MAP4: variants seen among roughly 807,000 people sequenced by gnomAD.
MAP4 encodes the protein microtubule-associated protein 4.
Under a neutral mutation model 170.2 loss-of-function variants are expected in MAP4, and 76 were observed. That is an observed-to-expected ratio of 0.45 (90% CI 0.37 to 0.54). The LOEUF is 0.54. MAP4 is among the 20% of genes least tolerant of loss of function. MAP4 has a pLI of 0.00. For synonymous variants in MAP4, 909 were observed against 994.5 expected, an observed-to-expected ratio of 0.91 and a Z score of 1.62; for missense variants, 2,506 against 2,748.0, an observed-to-expected ratio of 0.91 and a Z score of 1.97.
intron 10 of MAP4, among the ~76,000 whole-genome samples, chr3:47,889,818 G>A (rs2098258397): frequency 6.6e-6 from 1 of 152,024 alleles, no homozygotes; most frequent in African/African-American, 2.4e-5. Flanking sequence ...TGGGACACCT[G>A]AATGCTTGTA....
intron 3 of MAP4, among the ~76,000 whole-genome samples, chr3:47,960,034 T>C (rs190195295): frequency 2.3e-4 from 35 of 151,972 alleles, no homozygotes; most frequent in African/African-American, 8.4e-4. Flanking sequence ...AGCTAACTTT[T>C]TGTATTTTTA....
intron 2 of MAP4, chr3:47,987,459 A>T: frequency 6.8e-7 from 1 of 1,470,972 alleles, no homozygotes. Context: ...AACAGAAGTC[A>T]GGGAATGTTC....
At chr3:47,981,220 G>A (rs1219159762) in intron 2 of MAP4, among the ~76,000 whole-genome samples, 3 of 152,092 alleles carry the variant, frequency 2.0e-5, no homozygotes, top group Non-Finnish European at 2.9e-5. Flanking sequence ...AGAGCACTTC[G>A]TGTTACCGAT....
intron 10 of MAP4, among the ~76,000 whole-genome samples, chr3:47,902,286 T>C (rs1423371148): frequency 6.6e-6 from 1 of 152,132 alleles, no homozygotes; most frequent in Non-Finnish European, 1.5e-5. Flanking sequence ...GTTAAGAGTT[T>C]AGGATGGCAA....
chr3:47,866,441 CA>C (rs1036556344), intron 17 of MAP4, among the ~76,000 whole-genome samples: 5 of 149,974 alleles, frequency 3.3e-5, no homozygotes, highest in East Asian at 2.0e-4. Context: ...AGAAAATGGA[CA>C]AAAAAAAGGA....
intron 2 of MAP4, among the ~76,000 whole-genome samples, chr3:47,989,425 GCTAAATA>G (rs2100090827): frequency 6.6e-6 from 1 of 152,170 alleles, no homozygotes; most frequent in South Asian, 2.1e-4. Flanking sequence ...ACTGTACAGT[GCTAAATA>G]GTAATTGTTA....
intron 1 of MAP4, among the ~76,000 whole-genome samples, chr3:48,024,508 T>G (rs2100112095): frequency 6.6e-6 from 1 of 152,122 alleles, no homozygotes; most frequent in Non-Finnish European, 1.5e-5. Flanking sequence ...TACAAAGCAC[T>G]TGATGAAATT....
intron 1 of MAP4, among the ~76,000 whole-genome samples, chr3:48,059,514 CAAAAAAAAAAAAAA>C (rs762700404): frequency 2.8e-4 from 5 of 18,008 alleles, no homozygotes; most frequent in African/African-American, 4.0e-4. Context: ...GACTCCATCT[CAAAAAAAAAAAAAA>C]AAAAAAAAAA....
rs755102323 is a variant in MAP4 at position 47,916,629 on chromosome 3, T to C, written c.1198A>G (p.Lys400Glu). The change falls in exon 7 of 21, where the codon AAA becomes GAA. Residue 400 changes from lysine to glutamate, a missense_variant. This residue lies in a region of MAP4 where 2,008 missense variants were observed against 2,206.0 expected (regional missense o/e 0.91). Transcript: ENST00000683076. ...TTGGCTGGGACTATCTTGTTTTCTT[T>C]GGGTGGTCCCATGTCCTTGGAAGGA... ...LAPSKDMGPP[K>E]ENKIVPAKDL... The C allele has an allele frequency of 1.8e-5, 29 of 1,614,134 alleles. No homozygotes were observed. The highest frequency in any genetic ancestry group is 3.3e-5 in the South Asian group (3 of 91,084).
Position 47,991,656 on chromosome 3 carries a change from G to T in MAP4, c.223+6982C>A, listed in dbSNP as rs74701973. On this transcript the variant is annotated intron_variant, in intron 2 of 20. Transcript: ENST00000683076. ...CACTCCAGCCTAGGTGACATGGAAAGAATCTGTCTTTTCTTTTTTTTTTTT... is the reference window on the plus strand; with the variant it reads ...CACTCCAGCCTAGGTGACATGGAAATAATCTGTCTTTTCTTTTTTTTTTTT... Among the ~76,000 whole-genome samples the T allele has an allele frequency of 3.4e-3, 521 of 152,096 alleles. 4 individuals are homozygous for T. Among genetic ancestry groups the T allele is most frequent in the African/African-American group, 0.012 (485 of 41,532 alleles).
intron 2 of MAP4, among the ~76,000 whole-genome samples, chr3:47,983,141 G>A (rs2100086399): frequency 1.3e-5 from 2 of 152,282 alleles, no homozygotes; most frequent in South Asian, 4.1e-4. Context: ...CCGACCTCAA[G>A]TGATCTGCCT....
At chr3:47,866,031 A>G (rs2078979892) in intron 17 of MAP4, among the ~76,000 whole-genome samples, 1 of 152,172 alleles carries the variant, frequency 6.6e-6, no homozygotes, top group African/African-American at 2.4e-5. Flanking sequence ...GGAAGAGGAA[A>G]GAGGACAAAA....
At chr3:47,991,450 C>T (rs911129509) in intron 2 of MAP4, among the ~76,000 whole-genome samples, 1 of 152,032 alleles carries the variant, frequency 6.6e-6, no homozygotes, top group African/African-American at 2.4e-5. Flanking sequence ...GCAGGAGGAT[C>T]GCTTGAGGCC....
chr3:47,882,731 CA>C (rs2096955197), intron 10 of MAP4, among the ~76,000 whole-genome samples: 1 of 152,070 alleles, frequency 6.6e-6, no homozygotes, highest in Admixed American at 6.6e-5. Context: ...CACACCGCCA[CA>C]CCCAGCTATG....
chr3:48,079,842 C>T (rs758082006), intron 1 of MAP4, among the ~76,000 whole-genome samples: 89 of 149,034 alleles, frequency 6.0e-4, no homozygotes, highest in Admixed American at 4.7e-4. Flanking sequence ...CCCAGCTACT[C>T]GGGAGGCTGA....
intron 12 of MAP4, among the ~76,000 whole-genome samples, chr3:47,873,303 G>C (rs931568124): frequency 1.3e-5 from 2 of 152,186 alleles, no homozygotes; most frequent in Admixed American, 6.5e-5. Flanking sequence ...AGTGAATAAG[G>C]GAAAGAATCA....
At chr3:48,048,654 C>T (rs2100125862) in intron 1 of MAP4, among the ~76,000 whole-genome samples, 1 of 151,662 alleles carries the variant, frequency 6.6e-6, no homozygotes, top group South Asian at 2.1e-4. Flanking sequence ...GTAGCTGAGA[C>T]CACAGGTGCA....
chr3:48,019,184 T>C (rs757849465), upstream of MAP4, among the ~76,000 whole-genome samples: 14 of 151,806 alleles, frequency 9.2e-5, no homozygotes, highest in Non-Finnish European at 1.2e-4. Context: ...CAAAAAAAAA[T>C]GTTTTTAATT....
chr3:48,037,952 A>G (rs567721571), intron 1 of MAP4, among the ~76,000 whole-genome samples: 1 of 152,138 alleles, frequency 6.6e-6, no homozygotes, highest in Non-Finnish European at 1.5e-5. Context: ...GGATCACCTG[A>G]GGTCAGGAGT....
Sources: gnomAD v4.1 joint callset for allele counts (sites outside exome capture counted in the v4.1 genomes callset) on GRCh38, gnomAD v4.1.1 for gene constraint, gnomAD v4.1.1 regional missense constraint, MANE v1.5 for transcripts, NCBI Gene and HGNC (gene_info 2026-07-23, HGNC 2026-07-21) for gene names.